The following CABIN1 variants were observed in gnomAD, a reference collection of about 807,000 sequenced individuals.
CABIN1 encodes the protein calcineurin binding protein 1.
Under a neutral mutation model 227.7 loss-of-function variants are expected in CABIN1, and 133 were observed. The observed-to-expected ratio is 0.58, with a 90% CI of 0.51 to 0.67. The LOEUF is 0.67. CABIN1 is among the 30% of genes least tolerant of loss of function. CABIN1 has a pLI of 0.00. For synonymous variants in CABIN1, 1,086 were observed against 1,155.1 expected (o/e 0.94, Z 1.21); for missense variants, 2,408 against 2,852.5 (o/e 0.84, Z 3.55).
rs2039224514 is a variant in CABIN1 at position 24,061,950 on chromosome 22, A to G, written c.1621A>G (p.Met541Val). ...CCTTCCTGTGTCTGTCCTGCAGGACATGATGCTGATGTCTCTCTCCTGCAT... is the reference window on the plus strand; with the variant it reads ...CCTTCCTGTGTCTGTCCTGCAGGACGTGATGCTGATGTCTCTCTCCTGCAT... ...RDCSNKHIKD[M>V]MLMSLSCMEL... Residue 541 changes from methionine (M) to valine (V), a missense_variant, in exon 13 of 37, where the codon ATG becomes GTG. Met to Val is a conservative substitution (Grantham distance 21). This residue lies in a region of CABIN1 where 1,045 missense variants were observed against 1,168.4 expected (regional missense o/e 0.89). Transcript: ENST00000263119. The G allele has an allele frequency of 3.1e-6, 5 of 1,613,638 alleles. No individual in the cohort carries two copies. In the South Asian group the frequency reaches 5.5e-5, roughly 18 times the overall value.
chr22:24,116,979 T>C (rs2043123377), intron 27 of CABIN1, among the ~76,000 whole-genome samples: 1 of 152,226 alleles, frequency 6.6e-6, no homozygotes, highest in African/African-American at 2.4e-5. Context: ...GAAGGAAGTT[T>C]TCTCATCTTC....
intron 24 of CABIN1, among the ~76,000 whole-genome samples, chr22:24,094,673 C>T (rs1480711492): frequency 1.3e-5 from 2 of 150,954 alleles, no homozygotes; most frequent in African/African-American, 2.4e-5. Context: ...AAAAATTAGC[C>T]GGGCGCGGTG....
chr22:24,035,669 T>A, intron 2 of CABIN1, 149 bp downstream of exon 2: 2 of 988,904 alleles, frequency 2.0e-6, no homozygotes, highest in Non-Finnish European at 3.3e-6. Context: ...CCTTTGAGGG[T>A]GTGAGATTGC....
At chr22:24,042,307 T>C (rs908528779) in intron 5 of CABIN1, among the ~76,000 whole-genome samples, 1 of 152,196 alleles carries the variant, frequency 6.6e-6, no homozygotes, top group African/African-American at 2.4e-5. Context: ...GGAATACAGA[T>C]ATTCAGATTG....
intron 10 of CABIN1, among the ~76,000 whole-genome samples, chr22:24,056,730 C>T (rs1476128247): frequency 6.6e-6 from 1 of 152,190 alleles, no homozygotes; most frequent in Admixed American, 6.5e-5. Flanking sequence ...CTCCTGCTTT[C>T]AGGGAGTCCG....
At chr22:24,093,702 C>T (rs374526331) in intron 24 of CABIN1, among the ~76,000 whole-genome samples, 3 of 151,412 alleles carry the variant, frequency 2.0e-5, no homozygotes, top group African/African-American at 7.3e-5. Flanking sequence ...CATGATGAGA[C>T]CCCCCCATCT....
intron 26 of CABIN1, among the ~76,000 whole-genome samples, chr22:24,107,981 T>C (rs1350622096): frequency 6.6e-6 from 1 of 152,222 alleles, no homozygotes; most frequent in Non-Finnish European, 1.5e-5. Flanking sequence ...TGGCCTGCTG[T>C]CTTTCAGAGA....
intron 26 of CABIN1, among the ~76,000 whole-genome samples, chr22:24,112,906 C>G (rs2042886430): frequency 6.6e-6 from 1 of 152,170 alleles, no homozygotes; most frequent in Non-Finnish European, 1.5e-5. Context: ...ACTACTCCTC[C>G]CCTCCAGATC....
At chr22:24,111,802 T>C (rs1478916838) in intron 26 of CABIN1, among the ~76,000 whole-genome samples, 1 of 152,262 alleles carries the variant, frequency 6.6e-6, no homozygotes, top group African/African-American at 2.4e-5. Flanking sequence ...AGTTGGAGAT[T>C]GTCGGTATGT....
At position 24,091,571 on chromosome 22, in the gene CABIN1, A is replaced by G; in HGVS notation, c.3526-12A>G. Reference sequence around the variant, plus strand: ...GGCGTAAGGCCAGCCCAGTCTCATGATCTTCTTACAGATGGAGGGCCGGCG... The same window carrying G: ...GGCGTAAGGCCAGCCCAGTCTCATGGTCTTCTTACAGATGGAGGGCCGGCG... On this transcript the variant is annotated splice_polypyrimidine_tract_variant and intron_variant, in intron 23 of 36. Coordinates refer to ENST00000263119, the MANE Select transcript of CABIN1 (RefSeq NM_012295.4). 1.9e-6 allele frequency: 3 copies of G among 1,614,188 alleles called. No homozygotes were observed. The highest frequency in any genetic ancestry group is 2.5e-6 in the Non-Finnish European group (3 of 1,180,038).
In CABIN1 at chr22:24,177,551, G is replaced by A; in HGVS notation, c.6253G>A (p.Ala2085Thr). 1 of 1,576,700 alleles carries A rather than the reference G, an allele frequency of 6.3e-7. No homozygotes were observed. Among genetic ancestry groups the A allele is most frequent in the African/African-American group, 1.3e-5 (1 of 74,094 alleles). The change falls in exon 36 of 37, where the codon GCT (alanine) becomes ACT (threonine). Residue 2085 changes from alanine to threonine, a missense_variant. Ala to Thr is a moderately conservative substitution (Grantham distance 58, BLOSUM62 0). Transcript: ENST00000263119. The surrounding 1 kb of genome is among the most constrained non-coding windows in gnomAD (Gnocchi z 4.4). ...EPRRDGEAQEAASETQPLSSP... is the reference protein window; with the variant it reads ...EPRRDGEAQETASETQPLSSP... ...GAGAAGGGATGGGGAGGCTCAGGAG[G>A]CTGCGAGTGAGACTCAGCCCCTGAG...
intron 16 of CABIN1, 133 bp downstream of exon 16, chr22:24,067,314 C>A: frequency 1.1e-6 from 1 of 923,782 alleles, no homozygotes; most frequent in Non-Finnish European, 1.7e-6. Flanking sequence ...AACCACTAAG[C>A]CCCCAGGAAG....
intron 13 of CABIN1, 111 bp from the exon 14 acceptor site, chr22:24,062,848 G>A (rs2039297558): frequency 2.0e-6 from 2 of 1,014,500 alleles, no homozygotes; most frequent in Non-Finnish European, 3.2e-6. Context: ...GGGGCTTAGG[G>A]TGCCCCTGGA....
At position 24,171,426 on chromosome 22, in the gene CABIN1, G is replaced by A. The variant is rs148817558; in HGVS notation, c.5758-287G>A. On this transcript the variant is annotated intron_variant, in intron 33 of 36. Transcript: ENST00000263119. ...ACCCTGTGGTGTGAGGGCAAGGCCA[G>A]CTGGAGGTCCTTCCACTGAGTCCCC... 8.7e-3 allele frequency among the ~76,000 whole-genome samples: 1,331 copies of A among 152,320 alleles called. 21 individuals carry two copies. Among genetic ancestry groups the A allele is most frequent in the African/African-American group, 0.03 (1,246 of 41,568 alleles).
At chr22:24,143,243 G>A (rs2044886244) in intron 29 of CABIN1, among the ~76,000 whole-genome samples, 1 of 152,226 alleles carries the variant, frequency 6.6e-6, no homozygotes, top group South Asian at 2.1e-4. Flanking sequence ...TGGCCCAGCT[G>A]TCCTAGACAG....
rs2039026324 is a variant in CABIN1 at position 24,059,329 on chromosome 22, G to A, written c.1365G>A (p.Arg455=). ...LESFPSIGPQ[R]LSFDSATFME... is the part of the protein sequence containing the mutation. ...GCTTCCCAAGCATTGGGCCTCAAAGGCTGTCATTTGACTCAGCCACATTCA... is the reference window on the plus strand; with the variant it reads ...GCTTCCCAAGCATTGGGCCTCAAAGACTGTCATTTGACTCAGCCACATTCA... The change falls in exon 11 of 37, where the codon AGG becomes AGA. Residue 455 remains arginine (R), a synonymous_variant. Transcript: ENST00000263119. 2 of 1,614,072 alleles carry A rather than the reference G, an allele frequency of 1.2e-6. No homozygotes were observed. Among genetic ancestry groups the A allele is most frequent in the African/African-American group, 1.3e-5 (1 of 74,934 alleles).
At chr22:24,160,934 G>A (rs8138799) in intron 29 of CABIN1, among the ~76,000 whole-genome samples, 12,121 of 152,216 alleles carry the variant, frequency 0.08, 545 homozygotes, top group South Asian at 0.11. Context: ...GAAAGTCTTC[G>A]TGGGTTCCCA....
chr22:24,079,807 TTTATC>T (rs1444926552), intron 19 of CABIN1, among the ~76,000 whole-genome samples: 4 of 152,202 alleles, frequency 2.6e-5, no homozygotes, highest in Non-Finnish European at 5.9e-5. Flanking sequence ...ATTCCAGTCT[TTTATC>T]TGATACATAA....
At chr22:24,056,505 C>G in intron 10 of CABIN1, 145 bp downstream of exon 10, 1 of 807,512 alleles carries the variant, frequency 1.2e-6, no homozygotes, top group South Asian at 1.6e-5. Context: ...GTCTGAAGCA[C>G]AAATCTCACT....
Sources: gnomAD v4.1 joint callset for allele counts (sites outside exome capture counted in the v4.1 genomes callset) on GRCh38, gnomAD v4.1.1 for gene constraint, gnomAD v4.1.1 regional missense constraint, Gnocchi (gnomAD v3.1) non-coding constraint, MANE v1.5 for transcripts, NCBI Gene and HGNC (gene_info 2026-07-23, HGNC 2026-07-21) for gene names.